The following GRIP1 variants were observed in gnomAD, a reference collection of about 807,000 sequenced individuals.
GRIP1 encodes glutamate receptor-interacting protein 1.
A neutral mutation model predicts 129.9 loss-of-function variants in GRIP1; 45 were observed. The ratio of observed to expected loss-of-function variants is 0.35; its 90% CI spans 0.27 to 0.44. GRIP1 has a LOEUF of 0.44. GRIP1 is among the 20% of genes least tolerant of loss of function. GRIP1 has a pLI of 1.00. For synonymous variants in GRIP1, 530 were observed against 520.8 expected, an observed-to-expected ratio of 1.02 and a Z score of -0.24; for missense variants, 1,196 against 1,396.8, an observed-to-expected ratio of 0.86 and a Z score of 2.29.
chr12:66,373,766 T>G (rs907643023), intron 22 of GRIP1, among the ~76,000 whole-genome samples: 1 of 152,244 alleles, frequency 6.6e-6, no homozygotes, highest in South Asian at 2.1e-4. Flanking sequence ...CACTGAACAT[T>G]AACATGTGCT....
intron 1 of GRIP1, among the ~76,000 whole-genome samples, chr12:66,783,708 A>C (rs1038521691): frequency 3.3e-5 from 5 of 152,174 alleles, no homozygotes; most frequent in African/African-American, 1.2e-4. Flanking sequence ...TTCTAAATAG[A>C]GTCTAGGTAA....
intron 8 of GRIP1, among the ~76,000 whole-genome samples, 196 bp from the exon 9 acceptor site, chr12:66,463,289 GAAAATAGAGA>G (rs1437006899): frequency 6.6e-6 from 1 of 152,044 alleles, no homozygotes; most frequent in Non-Finnish European, 1.5e-5. Flanking sequence ...AAACCTTGTG[GAAAATAGAGA>G]AAAATTCAAC....
chr12:66,584,671 A>C (rs73323180), intron 2 of GRIP1, among the ~76,000 whole-genome samples: 2,113 of 152,226 alleles, frequency 0.014, 55 homozygotes, highest in African/African-American at 0.049. Flanking sequence ...TCAGCATTAG[A>C]AGGGTAAGTT....
intron 1 of GRIP1, among the ~76,000 whole-genome samples, chr12:66,852,753 T>C (rs972878125): frequency 2.0e-5 from 3 of 151,970 alleles, no homozygotes; most frequent in African/African-American, 7.2e-5. Context: ...AAACATTTAC[T>C]TGTTACATTA....
chr12:66,352,218 C>T (rs1268129612), intron 24 of GRIP1, among the ~76,000 whole-genome samples: 1 of 152,010 alleles, frequency 6.6e-6, no homozygotes. Flanking sequence ...GTACTGCGAA[C>T]CAAGAAAGAA....
intron 1 of GRIP1, among the ~76,000 whole-genome samples, chr12:67,008,686 C>A (rs1452516669): frequency 6.6e-6 from 1 of 152,056 alleles, no homozygotes; most frequent in Non-Finnish European, 1.5e-5. Flanking sequence ...TAATGCCTTC[C>A]TTTTAAGGGA....
intron 1 of GRIP1, among the ~76,000 whole-genome samples, chr12:66,735,499 C>T (rs1247531438): frequency 6.6e-6 from 1 of 152,090 alleles, no homozygotes; most frequent in African/African-American, 2.4e-5. Flanking sequence ...ACAGTCTGGA[C>T]ATAAATTTCT....
At chr12:66,668,851 G>A (rs997650467) in intron 1 of GRIP1, among the ~76,000 whole-genome samples, 1 of 152,082 alleles carries the variant, frequency 6.6e-6, no homozygotes, top group African/African-American at 2.4e-5. Flanking sequence ...GGAGGCTGCC[G>A]AGACAGGAGG....
At chr12:66,371,623 A>C (rs1387532610) in intron 23 of GRIP1, 71 bp downstream of exon 23, 1 of 948,336 alleles carries the variant, frequency 1.1e-6, no homozygotes, top group Non-Finnish European at 1.7e-6. Flanking sequence ...CCATGCTTAC[A>C]TCTCGGCGTA....
chr12:66,940,385 T>C (rs2041565429), intron 1 of GRIP1, among the ~76,000 whole-genome samples: 1 of 152,186 alleles, frequency 6.6e-6, no homozygotes, highest in African/African-American at 2.4e-5. Context: ...TGTTACTATC[T>C]GATCCCTTTC....
chr12:66,815,349 A>C (rs1056926135), intron 1 of GRIP1, among the ~76,000 whole-genome samples: 2 of 152,174 alleles, frequency 1.3e-5, no homozygotes, highest in East Asian at 1.9e-4. Context: ...TTTTTCAGAA[A>C]ACTCTGCCTG....
At position 66,960,405 on chromosome 12, in the gene GRIP1, G is replaced by A. The variant is rs11176496; in HGVS notation, c.58+108645C>T. On this transcript the variant is annotated intron_variant, in intron 1 of 1. Coordinates refer to the GRIP1 transcript ENST00000643019. ...ACACATGGAGTGAAGGAGACAGGTA[G>A]ATGGAGGTGCCTTATTAAGACATAG... Among the ~76,000 whole-genome samples, 305 of 152,316 alleles carry A rather than the reference G, an allele frequency of 2.0e-3. 8 individuals carry two copies. In the East Asian group the frequency reaches 0.05, roughly 25 times the overall value.
chr12:66,702,946 T>C (rs1000250578), intron 1 of GRIP1, among the ~76,000 whole-genome samples: 2 of 152,198 alleles, frequency 1.3e-5, no homozygotes, highest in Non-Finnish European at 2.9e-5. Flanking sequence ...AAAGCAAGCA[T>C]ATGTATTGTG....
intron 1 of GRIP1, among the ~76,000 whole-genome samples, chr12:66,795,737 G>A (rs1219929310): frequency 6.6e-6 from 1 of 152,150 alleles, no homozygotes; most frequent in Non-Finnish European, 1.5e-5. Context: ...TGGTGATGCT[G>A]TGGGCTGTAA....
chr12:66,362,261 C>G (rs955268559), intron 23 of GRIP1, among the ~76,000 whole-genome samples: 3 of 147,516 alleles, frequency 2.0e-5, no homozygotes, highest in Admixed American at 6.8e-5. Flanking sequence ...TCAAGTGATT[C>G]TCCTGCCTCT....
chr12:66,579,108 C>T (rs990645545), intron 2 of GRIP1, among the ~76,000 whole-genome samples: 11 of 152,170 alleles, frequency 7.2e-5, no homozygotes, highest in Admixed American at 5.2e-4. Context: ...TCACGAAAAA[C>T]CACTGTTCTG....
intron 1 of GRIP1, among the ~76,000 whole-genome samples, chr12:66,758,196 C>G (rs751548040): frequency 1.3e-5 from 2 of 152,102 alleles, no homozygotes; most frequent in Non-Finnish European, 2.9e-5. Flanking sequence ...ACTTACAGTT[C>G]CACTTGGCTG....
intron 1 of GRIP1, among the ~76,000 whole-genome samples, chr12:67,036,169 T>C (rs550750881): frequency 6.6e-6 from 1 of 152,244 alleles, no homozygotes; most frequent in South Asian, 2.1e-4. Context: ...GTCTTAAAAT[T>C]AGCTTGAACT....
chr12:66,529,151 C>T (rs757931905), intron 5 of GRIP1, among the ~76,000 whole-genome samples: 27 of 151,868 alleles, frequency 1.8e-4, no homozygotes, highest in Non-Finnish European at 2.5e-4. Flanking sequence ...AAAATGTTGA[C>T]GTGGATGCAG....
Sources: allele counts gnomAD v4.1 joint callset (sites outside exome capture counted in the v4.1 genomes callset), GRCh38; gene constraint gnomAD v4.1.1; transcripts MANE v1.5; gene names NCBI Gene and HGNC (gene_info 2026-07-23, HGNC 2026-07-21).